Variants in EIPR1 observed in about 807,000 individuals in gnomAD.
EIPR1 encodes EARP complex and GARP complex interacting protein 1, also known as EARP and GARP complex-interacting protein 1.
Under a neutral mutation model 48.1 loss-of-function variants are expected in EIPR1, and 25 were observed. That is an observed-to-expected ratio of 0.52 (90% CI 0.38 to 0.73). The LOEUF (loss-of-function observed/expected upper bound fraction) is 0.73. Ranked by LOEUF, EIPR1 falls within the 30% of genes least tolerant of loss-of-function variation. The pLI is 0.00. For missense variants in EIPR1, 415 were observed against 506.2 expected, an observed-to-expected ratio of 0.82 and a Z score of 1.73; for synonymous variants, 204 against 201.9, an observed-to-expected ratio of 1.01 and a Z score of -0.09.
chr2:3,318,721 C>CTG, intron 3 of EIPR1: 1 of 393,022 alleles, frequency 2.5e-6, no homozygotes, highest in South Asian at 1.9e-5. Context: ...TCTGTCCCGG[C>CTG]AATCAGAGTT....
At chr2:3,257,982 C>T (rs1667214257) in intron 3 of EIPR1, among the ~76,000 whole-genome samples, 1 of 152,204 alleles carries the variant, frequency 6.6e-6, no homozygotes, top group African/African-American at 2.4e-5. Flanking sequence ...GAAGGTAATG[C>T]CATTCAGAGG....
intron 3 of EIPR1, among the ~76,000 whole-genome samples, chr2:3,269,890 G>A (rs1667652242): frequency 6.6e-6 from 1 of 152,230 alleles, no homozygotes; most frequent in Non-Finnish European, 1.5e-5. Context: ...AAGCTCCCCA[G>A]CACGCGAATG....
intron 3 of EIPR1, among the ~76,000 whole-genome samples, chr2:3,258,262 T>G (rs971888191): frequency 6.6e-5 from 10 of 152,224 alleles, no homozygotes; most frequent in Non-Finnish European, 1.3e-4. Context: ...TCTCTGATGC[T>G]CTAGAAAATT....
chr2:3,377,575 G>T, intron 1 of EIPR1, 73 bp downstream of exon 1: 1 of 1,535,154 alleles, frequency 6.5e-7, no homozygotes, highest in Non-Finnish European at 8.8e-7. Context: ...TCTGCAAACC[G>T]AAGTCACCAT....
chr2:3,237,820 A>G (rs1366709417), intron 4 of EIPR1, among the ~76,000 whole-genome samples: 2 of 152,142 alleles, frequency 1.3e-5, no homozygotes, highest in African/African-American at 4.8e-5. Flanking sequence ...CAGGTTTGGG[A>G]TGGTCAACAG....
intron 1 of EIPR1, among the ~76,000 whole-genome samples, chr2:3,373,783 C>G (rs369649334): frequency 6.6e-6 from 1 of 151,380 alleles, no homozygotes; most frequent in Non-Finnish European, 1.5e-5. Context: ...GAATCAATAT[C>G]GTGAAAATGG....
At chr2:3,234,367 C>T (rs1016799309) in intron 4 of EIPR1, among the ~76,000 whole-genome samples, 3 of 152,228 alleles carry the variant, frequency 2.0e-5, no homozygotes, top group African/African-American at 7.2e-5. Flanking sequence ...TGTTTCTCTA[C>T]CTTTTCCATC....
chr2:3,284,311 C>T (rs1447520881), intron 3 of EIPR1, among the ~76,000 whole-genome samples: 1 of 107,472 alleles, frequency 9.3e-6, no homozygotes, highest in African/African-American at 3.8e-5. Context: ...CACAGAAGGC[C>T]GTGCCACGGC....
chr2:3,310,518 T>C (rs990197808), intron 3 of EIPR1, among the ~76,000 whole-genome samples: 11 of 145,060 alleles, frequency 7.6e-5, no homozygotes, highest in Non-Finnish European at 1.2e-4. Context: ...CCGGGCGTAG[T>C]GGCGGGCGCC....
At chr2:3,194,933 G>A (rs1319687038) in intron 6 of EIPR1, among the ~76,000 whole-genome samples, 2 of 152,200 alleles carry the variant, frequency 1.3e-5, no homozygotes, top group Non-Finnish European at 2.9e-5. Context: ...TGTTTGAAAT[G>A]AGTCACACGG....
chr2:3,252,562 G>T (rs2103210532), intron 4 of EIPR1, among the ~76,000 whole-genome samples: 1 of 152,324 alleles, frequency 6.6e-6, no homozygotes, highest in East Asian at 1.9e-4. Context: ...CTGCACTCCA[G>T]CCTGGGTGAC....
chr2:3,237,946 T>C (rs577410131), intron 4 of EIPR1, among the ~76,000 whole-genome samples: 1 of 152,284 alleles, frequency 6.6e-6, no homozygotes, highest in South Asian at 2.1e-4. Context: ...CACGGGGATT[T>C]GAGAAATCCA....
chr2:3,273,663 A>C (rs1432503990), intron 3 of EIPR1, among the ~76,000 whole-genome samples: 2 of 128,656 alleles, frequency 1.6e-5, no homozygotes, highest in African/African-American at 6.1e-5. Flanking sequence ...AGGAAATCCT[A>C]AGCCAAGAAT....
intron 1 of EIPR1, among the ~76,000 whole-genome samples, chr2:3,360,442 G>C (rs563731783): frequency 6.6e-6 from 1 of 151,858 alleles, no homozygotes; most frequent in South Asian, 2.1e-4. Context: ...AAAGGCCAAG[G>C]CATTTTTCTC....
chr2:3,211,395 C>T (rs1665451548), intron 5 of EIPR1, among the ~76,000 whole-genome samples: 1 of 152,192 alleles, frequency 6.6e-6, no homozygotes, highest in Non-Finnish European at 1.5e-5. Context: ...CGACCGCCCA[C>T]AAAGTTCCCA....
intron 4 of EIPR1, among the ~76,000 whole-genome samples, chr2:3,225,222 A>ACGTGTG (rs1666022993): frequency 7.3e-6 from 1 of 136,928 alleles, no homozygotes; most frequent in Non-Finnish European, 1.5e-5. Context: ...ACACTGTGAT[A>ACGTGTG]TGTGTGTGTG....
chr2:3,252,228 CAG>C (rs1667022008), intron 4 of EIPR1, among the ~76,000 whole-genome samples: 1 of 152,216 alleles, frequency 6.6e-6, no homozygotes, highest in African/African-American at 2.4e-5. Flanking sequence ...TCAGCGTCCA[CAG>C]AGAACACCAC....
At position 3,348,836 on chromosome 2, in the gene EIPR1, G is replaced by A. The variant is rs376658182; in HGVS notation, c.126+5714C>T. Among the ~76,000 whole-genome samples the A allele has an allele frequency of 2.6e-5, 4 of 152,332 alleles. No individual in the cohort carries two copies. In the East Asian group the frequency reaches 5.8e-4, roughly 22 times the overall value. ...CTGGAGCTCCAGAGTGAGGGATGGC[G>A]GCTTCCGACTGTGCAGGAGGAGACC... On this transcript the variant is annotated intron_variant, in intron 2 of 8. Coordinates refer to ENST00000382125, the MANE Select transcript of EIPR1 (RefSeq NM_003310.5).
chr2:3,293,979 T>C (rs1668450038), intron 3 of EIPR1, among the ~76,000 whole-genome samples: 1 of 152,178 alleles, frequency 6.6e-6, no homozygotes, highest in African/African-American at 2.4e-5. Flanking sequence ...CCAAACACTT[T>C]AACAAATATG....
Sources: gnomAD v4.1 joint callset for allele counts (sites outside exome capture counted in the v4.1 genomes callset) on GRCh38, gnomAD v4.1.1 for gene constraint, MANE v1.5 for transcripts, NCBI Gene and HGNC (gene_info 2026-07-23, HGNC 2026-07-21) for gene names.